TRPV4: variants seen among roughly 807,000 people sequenced by gnomAD.
TRPV4 encodes OSM9-like transient receptor potential channel 4.
Under a neutral mutation model 84.1 loss-of-function variants are expected in TRPV4, and 58 were observed. The observed-to-expected ratio is 0.69, with a 90% CI of 0.56 to 0.86. The LOEUF (loss-of-function observed/expected upper bound fraction) is 0.86. TRPV4 is among the 40% of genes least tolerant of loss of function. The pLI is 0.00. For missense variants in TRPV4, 879 were observed against 1,181.1 expected (o/e 0.74, Z 3.75); for synonymous variants, 489 against 500.9 (o/e 0.98, Z 0.32).
At chr12:109,831,639 A>T (rs114316838) in intron 1 of TRPV4, among the ~76,000 whole-genome samples, 1,776 of 152,342 alleles carry the variant, frequency 0.012, 21 homozygotes, top group East Asian at 0.055. Flanking sequence ...ATAAGGCAGG[A>T]GGAACCTCCA....
chr12:109,815,117 C>T lies in TRPV4; in HGVS notation c.-31-290G>A, dbSNP rs559683031. Among the ~76,000 whole-genome samples, 1 of 152,370 alleles carries T rather than the reference C, an allele frequency of 6.6e-6. No homozygotes were observed. The highest frequency in any genetic ancestry group is 1.5e-5 in the Non-Finnish European group (1 of 68,032). On this transcript the variant is annotated intron_variant, in intron 1 of 15. Transcript: ENST00000261740. This position sits in a 1 kb window ranked among gnomAD's most constrained non-coding sequence, Gnocchi z 4.1. ...TTCAGGGTCAAGCTGGGACCCCATA[C>T]TTGGATCCCAGACCCTACTGCTGAC...
chr12:109,814,295 A>AGATG lies in TRPV4; in HGVS notation c.386+112_386+115dup. ...TAGATGTATGGATGGTTGGATGGAC[A>AGATG]GATGGATGGATGGATGAATCGACGG... On this transcript the variant is annotated intron_variant, in intron 2 of 15. Coordinates refer to ENST00000261740, the MANE Select transcript of TRPV4 (RefSeq NM_021625.5). This position sits in a 1 kb window ranked among gnomAD's most constrained non-coding sequence, Gnocchi z 5.4. 3.4e-6 allele frequency: 4 copies of AGATG among 1,191,178 alleles called. No homozygotes were observed. In the South Asian group the frequency reaches 3.9e-5, roughly 12 times the overall value. The allele number at this position is 1,191,178 out of a possible 1,614,324, so 73.8% of individuals were successfully genotyped here.
chr12:109,829,122 T>C (rs1404580652), intron 1 of TRPV4, among the ~76,000 whole-genome samples: 1 of 152,030 alleles, frequency 6.6e-6, no homozygotes, highest in African/African-American at 2.4e-5. Flanking sequence ...CTGTGAGCTA[T>C]GATCACACCA....
In TRPV4 at chr12:109,814,097, C is replaced by T. The variant is rs938221995; in HGVS notation, c.386+314G>A. ...TATATGGATGGAGAGATGAATGGATCGATGGATAGATGTATGGATGGTTGG... is the reference window on the plus strand; with the variant it reads ...TATATGGATGGAGAGATGAATGGATTGATGGATAGATGTATGGATGGTTGG... On this transcript the variant is annotated intron_variant, in intron 2 of 15. Coordinates refer to ENST00000261740, the MANE Select transcript of TRPV4 (RefSeq NM_021625.5). This position sits in a 1 kb window ranked among gnomAD's most constrained non-coding sequence, Gnocchi z 5.4. Among the ~76,000 whole-genome samples, 6 of 147,312 alleles carry T rather than the reference C, an allele frequency of 4.1e-5. No homozygotes were observed. Among genetic ancestry groups the T allele is most frequent in the Admixed American group, 3.4e-4 (5 of 14,862 alleles).
At chr12:109,791,505 C>T (rs1328212051) in intron 12 of TRPV4, among the ~76,000 whole-genome samples, 3 of 120,384 alleles carry the variant, frequency 2.5e-5, no homozygotes, top group Non-Finnish European at 4.9e-5. Context: ...TTTTTTGAGA[C>T]AGAGTCTCGC....
chr12:109,802,937 AG>A, intron 4 of TRPV4, 53 bp downstream of exon 4: 2 of 1,595,940 alleles, frequency 1.3e-6, no homozygotes. Context: ...AGACAAGCAA[AG>A]GACAGCGTCT....
At position 109,783,723 on chromosome 12, in the gene TRPV4, C is replaced by A; in HGVS notation, c.2514G>T (p.Pro838=). ...RVVELNKNSN[P]DEVVVPLDSM... is the part of the protein sequence containing the mutation. ...TGTCCAGAGGCACCACCACCTCGTC[C>A]GGGTTCGAGTTCTTGTTCAGTTCCA... The change falls in exon 16 of 16, where the codon CCG becomes CCT. Residue 838 remains proline (P), a synonymous_variant. Transcript: ENST00000261740. This position sits in a 1 kb window ranked among gnomAD's most constrained non-coding sequence, Gnocchi z 4.6. 6.2e-7 allele frequency: 1 copy of A among 1,613,656 alleles called. No individual in the cohort carries two copies. The highest frequency in any genetic ancestry group is 8.5e-7 in the Non-Finnish European group (1 of 1,179,998).
Position 109,798,702 on chromosome 12 carries a change from C to G in TRPV4, c.1064G>C (p.Arg355Pro), listed in dbSNP as rs764715510. Residue 355 changes from arginine to proline, a missense_variant, in exon 6 of 16, where the codon CGC (arginine) becomes CCC (proline). Arg to Pro is a moderately radical substitution (Grantham distance 103). This residue lies in a region of TRPV4 where 521 missense variants were observed against 686.6 expected (regional missense o/e 0.76). Transcript: ENST00000261740. The surrounding 1 kb of genome is among the most constrained non-coding windows in gnomAD (Gnocchi z 5.0). ...MYDLLLLKCA[R>P]LFPDSNLEAV... ...CTCCAGGTTGCTGTCGGGGAAGAGG[C>G]GGGCACACTTGAGCAGCAGCAGGTC... 6.2e-7 allele frequency: 1 copy of G among 1,613,920 alleles called. No individual in the cohort carries two copies. Among genetic ancestry groups the G allele is most frequent in the Admixed American group, 1.7e-5 (1 of 60,016 alleles).
chr12:109,791,231 A>G (rs1446546773), intron 12 of TRPV4, among the ~76,000 whole-genome samples: 1 of 152,000 alleles, frequency 6.6e-6, no homozygotes, highest in African/African-American at 2.4e-5. Context: ...AAAAATATAA[A>G]ACTTAGCCAT....
chr12:109,803,355 G>A (rs904111182), intron 3 of TRPV4, among the ~76,000 whole-genome samples: 9 of 152,176 alleles, frequency 5.9e-5, no homozygotes, highest in Admixed American at 2.0e-4. Flanking sequence ...AAACGCATGG[G>A]GTTAGGTGCT....
chr12:109,812,458 C>T (rs1891579059), intron 2 of TRPV4, among the ~76,000 whole-genome samples: 2 of 152,094 alleles, frequency 1.3e-5, no homozygotes, highest in Admixed American at 6.5e-5. Flanking sequence ...TGAAGAAGAC[C>T]CAGGAGGGGC....
intron 6 of TRPV4, among the ~76,000 whole-genome samples, chr12:109,797,435 T>C (rs1161028204): frequency 1.3e-5 from 2 of 151,666 alleles, no homozygotes; most frequent in Non-Finnish European, 2.9e-5. Context: ...ATTACAGGCA[T>C]GAGCCACTGT....
At chr12:109,828,085 A>T (rs1892316295) in intron 1 of TRPV4, among the ~76,000 whole-genome samples, 1 of 152,194 alleles carries the variant, frequency 6.6e-6, no homozygotes, top group African/African-American at 2.4e-5. Flanking sequence ...GGGTGGGTGG[A>T]CAAGAGGGGC....
At chr12:109,817,079 G>A (rs1233627137) in intron 1 of TRPV4, among the ~76,000 whole-genome samples, 1 of 152,162 alleles carries the variant, frequency 6.6e-6, no homozygotes, top group Non-Finnish European at 1.5e-5. Flanking sequence ...AGGACCTCTG[G>A]AGACACGAAG....
chr12:109,796,504 A>C lies in TRPV4; in HGVS notation c.1332+21T>G, dbSNP rs747513226. ...CCCTGCCCCTCCTTCCTCACACCCC[A>C]TGCCCCCTCCTGGAGCCCACCTCAA... On this transcript the variant is annotated intron_variant, in intron 7 of 15. Transcript: ENST00000261740. This position sits in a 1 kb window ranked among gnomAD's most constrained non-coding sequence, Gnocchi z 4.2. The C allele has an allele frequency of 6.2e-7, 1 of 1,611,720 alleles. No individual in the cohort carries two copies. The highest frequency in any genetic ancestry group is 2.2e-5 in the East Asian group (1 of 44,790).
In TRPV4 at chr12:109,786,800, G is replaced by A; in HGVS notation, c.2246C>T (p.Pro749Leu). The A allele has an allele frequency of 2.5e-6, 4 of 1,614,076 alleles. No individual in the cohort carries two copies. The highest frequency in any genetic ancestry group is 3.4e-6 in the Non-Finnish European group (4 of 1,180,014). Residue 749 changes from proline (P) to leucine (L), a missense_variant, in exon 14 of 16, where the codon CCC becomes CTC. By Grantham distance (98) the Pro-to-Leu change is moderately conservative (BLOSUM62 -3). Coordinates refer to ENST00000261740, the MANE Select transcript of TRPV4 (RefSeq NM_021625.5). This position sits in a 1 kb window ranked among gnomAD's most constrained non-coding sequence, Gnocchi z 4.5. ...GCGGAAGGCCTTCCTCAGGAATACGGGGAAGGAGCGCTCAATGTCCAGGAT... is the reference window on the plus strand; with the variant it reads ...GCGGAAGGCCTTCCTCAGGAATACGAGGAAGGAGCGCTCAATGTCCAGGAT... ...TTILDIERSF[P>L]VFLRKAFRSG...
At chr12:109,792,230 C>T in intron 12 of TRPV4, 133 bp downstream of exon 12, 1 of 735,632 alleles carries the variant, frequency 1.4e-6, no homozygotes, top group Non-Finnish European at 2.1e-6. Context: ...GCAACAGGAG[C>T]AAAACTCCAC....
At chr12:109,800,442 G>A (rs115390181) in intron 5 of TRPV4, among the ~76,000 whole-genome samples, 176 bp downstream of exon 5, 38 of 152,276 alleles carry the variant, frequency 2.5e-4, no homozygotes, top group African/African-American at 8.9e-4. Flanking sequence ...CAGAGGCAAC[G>A]GCCCTGTGAC....
rs1311645079 is a variant in TRPV4 at position 109,814,365 on chromosome 12, G to A, written c.386+46C>T. The stretch of plus-strand genomic sequence containing the variant: ...AGGGGTGGATGATGAATGGGTGAAT[G>A]GATACAGAGGAGGAGACCACAGGCC... On this transcript the variant is annotated intron_variant, in intron 2 of 15. Transcript: ENST00000261740. The surrounding 1 kb of genome is among the most constrained non-coding windows in gnomAD (Gnocchi z 5.4). 1.0e-5 allele frequency: 16 copies of A among 1,600,052 alleles called. No homozygotes were observed. The highest frequency in any genetic ancestry group is 1.4e-5 in the Non-Finnish European group (16 of 1,172,372).
Sources: gnomAD v4.1 joint callset for allele counts (sites outside exome capture counted in the v4.1 genomes callset) on GRCh38, gnomAD v4.1.1 for gene constraint, gnomAD v4.1.1 regional missense constraint, Gnocchi (gnomAD v3.1) non-coding constraint, MANE v1.5 for transcripts, NCBI Gene and HGNC (gene_info 2026-07-23, HGNC 2026-07-21) for gene names.